The following CPEB1 variants were observed in gnomAD, a reference collection of about 807,000 sequenced individuals.
CPEB1 encodes cytoplasmic polyadenylation element-binding protein 1.
A neutral mutation model predicts 65.8 loss-of-function variants in CPEB1; 7 were observed. The ratio of observed to expected loss-of-function variants is 0.11; its 90% CI spans 0.06 to 0.20. The LOEUF (loss-of-function observed/expected upper bound fraction) is 0.20, where lower values mean the gene tolerates loss of function less well. Ranked by LOEUF, CPEB1 falls within the 10% of genes least tolerant of loss-of-function variation. The pLI, the probability that CPEB1 is intolerant of heterozygous loss-of-function variation, is 1.00. For missense variants in CPEB1, 551 were observed against 712.2 expected, an observed-to-expected ratio of 0.77 and a Z score of 2.58; for synonymous variants, 262 against 260.0, an observed-to-expected ratio of 1.01 and a Z score of -0.08.
chr15:82,597,982 C>T (rs1278923527), intron 3 of CPEB1, among the ~76,000 whole-genome samples: 1 of 152,140 alleles, frequency 6.6e-6, no homozygotes, highest in Non-Finnish European at 1.5e-5. Flanking sequence ...GTTGGAGGAG[C>T]CCAGTAGAAG....
chr15:82,578,632 C>CTGTA (rs943687662), intron 3 of CPEB1, among the ~76,000 whole-genome samples: 1 of 151,974 alleles, frequency 6.6e-6, no homozygotes, highest in African/African-American at 2.4e-5. Context: ...TGGCGTGCAC[C>CTGTA]TGTAGTCCCA....
chr15:82,553,857 C>G, intron 7 of CPEB1, 21 bp downstream of exon 7: 1 of 1,497,824 alleles, frequency 6.7e-7, no homozygotes. Context: ...ACTCTTAAAG[C>G]AGGTCTTAGA....
chr15:82,638,703 T>C (rs898942733), intron 1 of CPEB1: 1 of 152,240 alleles, frequency 6.6e-6, no homozygotes, highest in Non-Finnish European at 1.5e-5. Context: ...TCACATTTCC[T>C]TGAGACAATC....
intron 1 of CPEB1, among the ~76,000 whole-genome samples, chr15:82,631,493 G>T (rs908923153): frequency 6.6e-6 from 1 of 152,116 alleles, no homozygotes; most frequent in Non-Finnish European, 1.5e-5. Flanking sequence ...GTACAATAGG[G>T]ATAAAAGTAA....
intron 4 of CPEB1, among the ~76,000 whole-genome samples, chr15:82,558,831 T>C (rs1342394250): frequency 6.6e-6 from 1 of 152,194 alleles, no homozygotes; most frequent in African/African-American, 2.4e-5. Context: ...AGCAACGTTT[T>C]CCACACTTGG....
chr15:82,580,150 T>G (rs2041126955), intron 3 of CPEB1, among the ~76,000 whole-genome samples: 1 of 151,040 alleles, frequency 6.6e-6, no homozygotes, highest in Admixed American at 6.6e-5. Flanking sequence ...TGAAACCCCT[T>G]CTCTACTAAA....
rs1468884359 is a variant in CPEB1, at chr15:82,544,482, C to G, written c.*110G>C. 1.6e-5 allele frequency: 11 copies of G among 706,484 alleles called. No individual in the cohort carries two copies. In the African/African-American group the frequency reaches 1.8e-4, roughly 11 times the overall value. The allele number at this position is 706,484 out of a possible 1,614,324, so 43.8% of individuals were successfully genotyped here. A position where few individuals can be genotyped will look rare whatever the true frequency, so the allele number is the denominator to read the frequency against. On this transcript the variant is annotated 3_prime_UTR_variant, in exon 13 of 13. Transcript: ENST00000684509. ...AAGTGCAAAGGTGACTACAATTTTC[C>G]CTTGTCCTTGGGAAGCCAGCTCCCT...
intron 3 of CPEB1, among the ~76,000 whole-genome samples, chr15:82,577,936 C>T (rs996394253): frequency 2.0e-4 from 31 of 151,962 alleles, no homozygotes; most frequent in African/African-American, 7.0e-4. Context: ...GTCAGGAGAT[C>T]GAGACCATCC....
intron 4 of CPEB1, among the ~76,000 whole-genome samples, chr15:82,559,367 G>A (rs1277053443): frequency 6.6e-6 from 1 of 152,046 alleles, no homozygotes; most frequent in Non-Finnish European, 1.5e-5. Flanking sequence ...TTTAACACAG[G>A]GGAAACTGTA....
chr15:82,611,766 T>C (rs1475113946), intron 3 of CPEB1, among the ~76,000 whole-genome samples: 1 of 148,626 alleles, frequency 6.7e-6, no homozygotes, highest in Admixed American at 6.7e-5. Context: ...TCTCAATAAG[T>C]TTAAAAAAAA....
chr15:82,607,230 T>C (rs926286674), intron 3 of CPEB1, among the ~76,000 whole-genome samples: 5 of 152,128 alleles, frequency 3.3e-5, no homozygotes, highest in Admixed American at 1.3e-4. Context: ...ACTGACAGAA[T>C]GGACTTTTTA....
At chr15:82,632,635 C>T (rs375538888) in intron 1 of CPEB1, among the ~76,000 whole-genome samples, 5 of 152,100 alleles carry the variant, frequency 3.3e-5, no homozygotes, top group Non-Finnish European at 5.9e-5. Context: ...CCTGCCTCAG[C>T]GTCCCAAGTA....
chr15:82,627,475 T>A (rs760914474), intron 2 of CPEB1, 108 bp from the exon 3 acceptor site: 1 of 804,614 alleles, frequency 1.2e-6, no homozygotes, highest in Non-Finnish European at 1.9e-6. Flanking sequence ...GTATCTTCTT[T>A]ATACATTAAA....
intron 3 of CPEB1, among the ~76,000 whole-genome samples, chr15:82,572,598 A>C (rs2040191920): frequency 6.6e-6 from 1 of 152,174 alleles, no homozygotes; most frequent in Admixed American, 6.5e-5. Flanking sequence ...CAGACTGAGG[A>C]AACACTCTCG....
chr15:82,634,614 C>A (rs1378853234), intron 1 of CPEB1, among the ~76,000 whole-genome samples: 1 of 152,170 alleles, frequency 6.6e-6, no homozygotes, highest in South Asian at 2.1e-4. Context: ...TTTACTCAGT[C>A]CTCCAGAGAG....
intron 1 of CPEB1, among the ~76,000 whole-genome samples, chr15:82,644,825 A>G (rs1024547810): frequency 6.6e-6 from 1 of 152,232 alleles, no homozygotes; most frequent in African/African-American, 2.4e-5. Context: ...GTGCTCAGTG[A>G]AAATGCTTAT....
intron 3 of CPEB1, among the ~76,000 whole-genome samples, chr15:82,579,527 C>A (rs2041019150): frequency 6.6e-6 from 1 of 152,152 alleles, no homozygotes; most frequent in Non-Finnish European, 1.5e-5. Context: ...TAACAATCAT[C>A]ATTATCACCT....
intron 3 of CPEB1, among the ~76,000 whole-genome samples, chr15:82,600,441 G>A (rs867231593): frequency 3.4e-4 from 51 of 151,766 alleles, no homozygotes; most frequent in African/African-American, 1.1e-3. Context: ...CCACATGGAA[G>A]AGAAATTCAG....
At chr15:82,597,158 C>T (rs578214564) in intron 3 of CPEB1, among the ~76,000 whole-genome samples, 2 of 152,216 alleles carry the variant, frequency 1.3e-5, no homozygotes, top group African/African-American at 4.8e-5. Flanking sequence ...GACCCTATCT[C>T]TACAAAAAAA....
Sources: allele counts gnomAD v4.1 joint callset (sites outside exome capture counted in the v4.1 genomes callset), GRCh38; gene constraint gnomAD v4.1.1; transcripts MANE v1.5; gene names NCBI Gene and HGNC (gene_info 2026-07-23, HGNC 2026-07-21).